ETV1: variants seen among roughly 807,000 people sequenced by gnomAD.
ETV1 encodes the protein ETS variant transcription factor 1.
Under a neutral mutation model 62.3 loss-of-function variants are expected in ETV1, and 27 were observed. The observed-to-expected ratio is 0.43, with a 90% CI of 0.32 to 0.60. The LOEUF is 0.60. Among genes scored for constraint, ETV1 ranks in the 20% least tolerant of loss-of-function variants. ETV1 has a pLI of 0.06. For missense variants in ETV1, 605 were observed against 605.8 expected, an observed-to-expected ratio of 1.00 and a Z score of 0.01; for synonymous variants, 222 against 199.6, an observed-to-expected ratio of 1.11 and a Z score of -0.94.
At chr7:13,986,760 G>T (rs1782589067) in intron 4 of ETV1, 75 bp from the exon 5 acceptor site, 3 of 1,071,622 alleles carry the variant, frequency 2.8e-6, no homozygotes, top group African/African-American at 1.6e-5. Context: ...TATTTGTCAT[G>T]AAATTGGTAT....
intron 5 of ETV1, among the ~76,000 whole-genome samples, chr7:13,981,189 C>G (rs1294137597): frequency 6.6e-6 from 1 of 152,036 alleles, no homozygotes; most frequent in Non-Finnish European, 1.5e-5. Flanking sequence ...GTTCTATCCA[C>G]TGTAACAATG....
intron 6 of ETV1, among the ~76,000 whole-genome samples, chr7:13,945,443 A>AT (rs77650876): frequency 0.02 from 2,927 of 148,334 alleles, 71 homozygotes; most frequent in African/African-American, 0.066. Flanking sequence ...CTTGAAACTG[A>AT]TTTTTTTTTT....
chr7:13,979,475 A>G (rs969968895), intron 5 of ETV1, among the ~76,000 whole-genome samples: 6 of 151,990 alleles, frequency 3.9e-5, no homozygotes, highest in African/African-American at 9.7e-5. Context: ...AAAATGTTCT[A>G]AAAGATTCAT....
intron 6 of ETV1, among the ~76,000 whole-genome samples, chr7:13,963,605 A>G (rs538141268): frequency 6.6e-6 from 1 of 151,822 alleles, no homozygotes; most frequent in East Asian, 1.9e-4. Flanking sequence ...ATGACTTCTC[A>G]TTTTCTTAGA....
In ETV1 at chr7:13,891,695, C is replaced by G; in HGVS notation, c.*4171G>C. On this transcript the variant is annotated 3_prime_UTR_variant, in exon 14 of 14. Coordinates refer to ENST00000430479, the MANE Select transcript of ETV1 (RefSeq NM_004956.5). Reference sequence around the variant, plus strand: ...TAGTATCATGCCCAACTATTACCATCTTTTTGAAACTTGATTTTTCCAATT... The same window carrying G: ...TAGTATCATGCCCAACTATTACCATGTTTTTGAAACTTGATTTTTCCAATT... 8.6e-6 allele frequency: 2 copies of G among 231,912 alleles called. No homozygotes were observed. The highest frequency in any genetic ancestry group is 1.7e-5 in the Non-Finnish European group (2 of 117,344). 14.4% of individuals were successfully genotyped at this position (231,912 alleles called of 1,614,324 possible).
intron 6 of ETV1, among the ~76,000 whole-genome samples, chr7:13,946,127 T>G (rs1788131706): frequency 6.6e-6 from 1 of 152,200 alleles, no homozygotes. Flanking sequence ...ATTTGCAAAG[T>G]GGTGGTTCAA....
rs979619115 is a variant in ETV1, at chr7:13,891,432, C to A, written c.*4434G>T. 2.6e-5 allele frequency: 6 copies of A among 231,422 alleles called. No individual in the cohort carries two copies. The highest frequency in any genetic ancestry group is 1.3e-4 in the African/African-American group (6 of 45,206). The allele number at this position is 231,422 out of a possible 1,614,324, so 14.3% of individuals were successfully genotyped here. ...TACTGGAGTCTATATGCAAAAAAGACCCTACCTTACATATGAATCCATAAA... is the reference window on the plus strand; with the variant it reads ...TACTGGAGTCTATATGCAAAAAAGAACCTACCTTACATATGAATCCATAAA... On this transcript the variant is annotated 3_prime_UTR_variant, in exon 14 of 14. Coordinates refer to ENST00000430479, the MANE Select transcript of ETV1 (RefSeq NM_004956.5).
chr7:13,903,323 T>C (rs2128410010), intron 12 of ETV1, among the ~76,000 whole-genome samples: 1 of 152,320 alleles, frequency 6.6e-6, no homozygotes, highest in Non-Finnish European at 1.5e-5. Flanking sequence ...TATTTTAAAA[T>C]ATCACGCTTG....
chr7:13,938,014 C>T (rs565914427), intron 7 of ETV1, among the ~76,000 whole-genome samples: 4 of 152,268 alleles, frequency 2.6e-5, no homozygotes, highest in South Asian at 2.1e-4. Flanking sequence ...GGCGCGATCT[C>T]GGCTCACAGC....
chr7:13,934,964 T>G (rs1179264328), intron 8 of ETV1, among the ~76,000 whole-genome samples: 1 of 152,194 alleles, frequency 6.6e-6, no homozygotes, highest in African/African-American at 2.4e-5. Context: ...GAAGGAGAGA[T>G]GCTGTATATA....
chr7:13,986,377 G>C, intron 5 of ETV1: 1 of 1,485,878 alleles, frequency 6.7e-7, no homozygotes, highest in South Asian at 1.4e-5. Context: ...TTGAAGTCTT[G>C]GTGCATTAGT....
chr7:13,965,819 A>C (rs2128488074), intron 6 of ETV1, among the ~76,000 whole-genome samples: 1 of 152,322 alleles, frequency 6.6e-6, no homozygotes, highest in Non-Finnish European at 1.5e-5. Flanking sequence ...AAAATAAAAC[A>C]GAGGGAAATA....
intron 6 of ETV1, among the ~76,000 whole-genome samples, chr7:13,976,393 A>G (rs749681737): frequency 1.3e-5 from 2 of 152,200 alleles, no homozygotes; most frequent in Non-Finnish European, 2.9e-5. Context: ...TACCACAGTA[A>G]TTTCTTTATA....
chr7:13,979,322 A>C lies in ETV1; in HGVS notation c.182-1842T>G, dbSNP rs543533409. ...AACCCTTGTCTTTCAAGTCATCCACAAAAAAGTACATGTCATTACAACGCT... is the reference window on the plus strand; with the variant it reads ...AACCCTTGTCTTTCAAGTCATCCACCAAAAAGTACATGTCATTACAACGCT... On this transcript the variant is annotated intron_variant, in intron 5 of 13. Coordinates refer to ENST00000430479, the MANE Select transcript of ETV1 (RefSeq NM_004956.5). Among the ~76,000 whole-genome samples, 201 of 152,144 alleles carry C rather than the reference A, an allele frequency of 1.3e-3. 2 individuals are homozygous for C. Among genetic ancestry groups the C allele is most frequent in the Non-Finnish European group, 2.3e-3 (155 of 67,922 alleles).
chr7:13,937,890 C>T (rs1350344941), intron 7 of ETV1, among the ~76,000 whole-genome samples: 2 of 152,162 alleles, frequency 1.3e-5, no homozygotes, highest in African/African-American at 4.8e-5. Context: ...TTTGCAAGAA[C>T]AAATGGTAAT....
At chr7:13,907,439 T>C (rs1783083939) in intron 11 of ETV1, among the ~76,000 whole-genome samples, 1 of 152,306 alleles carries the variant, frequency 6.6e-6, no homozygotes, top group African/African-American at 2.4e-5. Flanking sequence ...GTTATATTTA[T>C]TTGATATTCA....
At chr7:13,921,097 T>G (rs906688392) in intron 9 of ETV1, among the ~76,000 whole-genome samples, 1 of 152,184 alleles carries the variant, frequency 6.6e-6, no homozygotes, top group African/African-American at 2.4e-5. Flanking sequence ...TTCTTTAAAG[T>G]TCCCAAGTGA....
At chr7:13,986,264 A>G (rs1782540136) in intron 5 of ETV1, 2 of 1,519,844 alleles carry the variant, frequency 1.3e-6, no homozygotes, top group Non-Finnish European at 1.8e-6. Context: ...GCTGCTCTAA[A>G]GGAAACAGCA....
intron 9 of ETV1, among the ~76,000 whole-genome samples, chr7:13,925,726 C>T (rs1025021173): frequency 6.8e-5 from 9 of 132,332 alleles, no homozygotes; most frequent in Non-Finnish European, 1.4e-4. Context: ...CCACTGCGCC[C>T]GGCTAATTTT....
Sources: allele counts gnomAD v4.1 joint callset (sites outside exome capture counted in the v4.1 genomes callset), GRCh38; gene constraint gnomAD v4.1.1; transcripts MANE v1.5; gene names NCBI Gene and HGNC (gene_info 2026-07-23, HGNC 2026-07-21).